DSCAML1: variants seen among roughly 807,000 people sequenced by gnomAD.
DSCAML1 encodes the protein cell adhesion molecule DSCAML1.
Under a neutral mutation model 200.5 loss-of-function variants are expected in DSCAML1, and 38 were observed. The observed-to-expected ratio is 0.19, with a 90% CI of 0.15 to 0.25. DSCAML1 has a LOEUF of 0.25. DSCAML1 is among the 10% of genes least tolerant of loss of function. The pLI, the probability that DSCAML1 is intolerant of heterozygous loss-of-function variation, is 1.00. For synonymous variants in DSCAML1, 1,215 were observed against 1,165.0 expected (o/e 1.04, Z -0.87); for missense variants, 2,223 against 2,858.8 (o/e 0.78, Z 5.07).
rs142759388 is a variant in DSCAML1, at chr11:117,589,344, A to G, written c.512-56822T>C. The stretch of plus-strand genomic sequence containing the variant: ...CTATTTATTTATTCAAAACAAACAC[A>G]TGCTCAAACTCTCTTTTTATTCTAG... On this transcript the variant is annotated intron_variant, in intron 3 of 32. Coordinates refer to ENST00000651296, the MANE Select transcript of DSCAML1 (RefSeq NM_020693.4). Among the ~76,000 whole-genome samples the G allele has an allele frequency of 4.0e-3, 609 of 152,254 alleles. 2 individuals carry two copies. Among genetic ancestry groups the G allele is most frequent in the African/African-American group, 0.014 (581 of 41,544 alleles).
intron 3 of DSCAML1, among the ~76,000 whole-genome samples, chr11:117,581,360 T>C (rs1392349600): frequency 6.6e-6 from 1 of 152,160 alleles, no homozygotes; most frequent in African/African-American, 2.4e-5. Flanking sequence ...CCCATTTTAG[T>C]GTACAATTCT....
rs1254680022 is a variant in DSCAML1 at position 117,463,970 on chromosome 11, G to A, written c.3265+972C>T. On this transcript the variant is annotated intron_variant, in intron 17 of 32. Coordinates refer to ENST00000651296, the MANE Select transcript of DSCAML1 (RefSeq NM_020693.4). This position sits in a 1 kb window ranked among gnomAD's most constrained non-coding sequence, Gnocchi z 4.0. The stretch of plus-strand genomic sequence containing the variant: ...TACTTTCAGGTGTTTCTGACCTAAT[G>A]TGTCCACCATCCCCAGGGTGCTGCA... Among the ~76,000 whole-genome samples the A allele has an allele frequency of 6.6e-6, 1 of 152,226 alleles. No homozygotes were observed. Among genetic ancestry groups the A allele is most frequent in the Non-Finnish European group, 1.5e-5 (1 of 68,050 alleles).
chr11:117,508,990 T>C (rs2049563869), intron 8 of DSCAML1, among the ~76,000 whole-genome samples: 1 of 152,234 alleles, frequency 6.6e-6, no homozygotes, highest in Middle Eastern at 3.4e-3. Context: ...AACTAATTCA[T>C]CTAATATTTA....
intron 3 of DSCAML1, among the ~76,000 whole-genome samples, chr11:117,584,700 C>A (rs1180272653): frequency 6.6e-6 from 1 of 152,172 alleles, no homozygotes; most frequent in Admixed American, 6.5e-5. Flanking sequence ...TTTTAAGGTG[C>A]CAAGTTGAAG....
chr11:117,708,962 C>T (rs1388694465), intron 3 of DSCAML1, among the ~76,000 whole-genome samples: 1 of 152,180 alleles, frequency 6.6e-6, no homozygotes, highest in Non-Finnish European at 1.5e-5. Context: ...GAACGTGCCT[C>T]CAAGTGCACA....
At chr11:117,815,950 C>T (rs2055801948) in intron 1 of DSCAML1, among the ~76,000 whole-genome samples, 2 of 152,052 alleles carry the variant, frequency 1.3e-5, no homozygotes, top group Non-Finnish European at 2.9e-5. Context: ...GGAGCTGCCA[C>T]TCCTGAACAT....
chr11:117,620,216 G>A (rs1179431500), intron 3 of DSCAML1, among the ~76,000 whole-genome samples: 1 of 152,098 alleles, frequency 6.6e-6, no homozygotes, highest in Non-Finnish European at 1.5e-5. Context: ...AGTAGATGAG[G>A]AAGCAGCTCC....
At chr11:117,610,840 AC>A (rs5795096) in intron 3 of DSCAML1, among the ~76,000 whole-genome samples, 53,408 of 112,122 alleles carry the variant, frequency 0.48, 12,249 homozygotes, top group Admixed American at 0.55. Flanking sequence ...AACCAAAACA[AC>A]CCCCCCCCCC....
At chr11:117,514,226 C>T (rs758037126) in intron 8 of DSCAML1, among the ~76,000 whole-genome samples, 18 of 152,194 alleles carry the variant, frequency 1.2e-4, no homozygotes, top group Non-Finnish European at 2.5e-4. Context: ...CCCTGGTCAA[C>T]GCTATTCCTC....
Position 117,516,956 on chromosome 11 carries a change from T to C in DSCAML1, c.1511-217A>G, listed in dbSNP as rs2049782467. Among the ~76,000 whole-genome samples, 1 of 152,196 alleles carries C rather than the reference T, an allele frequency of 6.6e-6. No individual in the cohort carries two copies. The highest frequency in any genetic ancestry group is 2.4e-5 in the African/African-American group (1 of 41,452). On this transcript the variant is annotated intron_variant, in intron 7 of 32. Transcript: ENST00000651296. The surrounding 1 kb of genome is among the most constrained non-coding windows in gnomAD (Gnocchi z 5.7). ...CCCACAGTCTCTCCAGGACTCACTG[T>C]TACTAGCTTCAAAGAGTTGCAAACG...
chr11:117,593,004 C>T (rs1010348151), intron 3 of DSCAML1, among the ~76,000 whole-genome samples: 3 of 152,248 alleles, frequency 2.0e-5, no homozygotes, highest in African/African-American at 7.2e-5. Flanking sequence ...GATACTTACC[C>T]CAGAGGGTGG....
intron 3 of DSCAML1, among the ~76,000 whole-genome samples, chr11:117,763,358 G>A (rs2054840122): frequency 6.6e-6 from 1 of 151,764 alleles, no homozygotes; most frequent in Admixed American, 6.6e-5. Flanking sequence ...GGCAGCTGGG[G>A]TCCGGGCAAG....
chr11:117,457,518 G>A (rs1309152351), intron 19 of DSCAML1, among the ~76,000 whole-genome samples: 1 of 152,214 alleles, frequency 6.6e-6, no homozygotes, highest in Non-Finnish European at 1.5e-5. Flanking sequence ...CAGTCTCCAC[G>A]CTGGAGCAGG....
chr11:117,685,279 C>T (rs1254960919), intron 3 of DSCAML1, among the ~76,000 whole-genome samples: 1 of 152,196 alleles, frequency 6.6e-6, no homozygotes, highest in Non-Finnish European at 1.5e-5. Context: ...GTGATTTATC[C>T]AAGGTCACAC....
chr11:117,615,254 G>C (rs61903800), intron 3 of DSCAML1, among the ~76,000 whole-genome samples: 1 of 151,668 alleles, frequency 6.6e-6, no homozygotes, highest in African/African-American at 2.4e-5. Context: ...GAAAATAAAA[G>C]AAAACACTCT....
At chr11:117,532,584 G>A in intron 3 of DSCAML1, 62 bp from the exon 4 acceptor site, 1 of 1,518,920 alleles carries the variant, frequency 6.6e-7, no homozygotes, top group Non-Finnish European at 9.0e-7. Flanking sequence ...CAGAGGCAGG[G>A]TAGCGTCTCT....
intron 3 of DSCAML1, among the ~76,000 whole-genome samples, chr11:117,597,316 C>A (rs1450928875): frequency 1.3e-5 from 2 of 152,206 alleles, no homozygotes; most frequent in Non-Finnish European, 2.9e-5. Flanking sequence ...AGTCACCTTA[C>A]TTGCTAGAAA....
At chr11:117,520,736 A>C (rs2049869842) in intron 6 of DSCAML1, among the ~76,000 whole-genome samples, 1 of 152,124 alleles carries the variant, frequency 6.6e-6, no homozygotes, top group Non-Finnish European at 1.5e-5. Flanking sequence ...AAAACAAAAC[A>C]AACCATAAAA....
rs1555183318 is a variant in DSCAML1 at position 117,543,808 on chromosome 11, T to TTG, written c.512-11287_512-11286insCA. ...CTGCATGCTTATAGGGCAGTTTTTT[T>TTG]TTTGTTTGTTTTGTTTTTTTTAAAG... is the stretch of plus-strand genomic sequence containing the variant. On this transcript the variant is annotated intron_variant, in intron 3 of 32. Transcript: ENST00000651296. 1.3e-3 allele frequency among the ~76,000 whole-genome samples: 196 copies of TTG among 151,524 alleles called. 1 individual carries two copies. The highest frequency in any genetic ancestry group is 4.4e-3 in the South Asian group (21 of 4,792).
Sources: gnomAD v4.1 joint callset for allele counts (sites outside exome capture counted in the v4.1 genomes callset) on GRCh38, gnomAD v4.1.1 for gene constraint, Gnocchi (gnomAD v3.1) non-coding constraint, MANE v1.5 for transcripts, NCBI Gene and HGNC (gene_info 2026-07-23, HGNC 2026-07-21) for gene names.